CCSER1: variants seen among roughly 807,000 people sequenced by gnomAD.
The protein encoded by CCSER1 is serine-rich coiled-coil domain-containing protein 1.
A neutral mutation model predicts 82.0 loss-of-function variants in CCSER1; 41 were observed. The ratio of observed to expected loss-of-function variants is 0.50; its 90% CI spans 0.39 to 0.65. The LOEUF is 0.65. CCSER1 is among the 30% of genes least tolerant of loss of function. CCSER1 has a pLI of 0.00. For missense variants in CCSER1, 1,119 were observed against 1,064.2 expected (o/e 1.05, Z -0.72); for synonymous variants, 414 against 383.9 (o/e 1.08, Z -0.92).
chr4:91,276,741 G>T (rs1742491253), intron 10 of CCSER1, among the ~76,000 whole-genome samples: 1 of 152,052 alleles, frequency 6.6e-6, no homozygotes, highest in African/African-American at 2.4e-5. Flanking sequence ...TTAGAGAAAA[G>T]ATTTTCCAGT....
chr4:90,699,014 T>C (rs889374145), intron 6 of CCSER1, among the ~76,000 whole-genome samples: 3 of 151,844 alleles, frequency 2.0e-5, no homozygotes, highest in Non-Finnish European at 4.4e-5. Context: ...GGTGGGAGGA[T>C]CGCTTGAGCT....
At chr4:90,854,136 T>A (rs1434703064) in intron 8 of CCSER1, among the ~76,000 whole-genome samples, 2 of 152,138 alleles carry the variant, frequency 1.3e-5, no homozygotes, top group Non-Finnish European at 1.5e-5. Flanking sequence ...AAAATGAACA[T>A]GATATGGTCC....
chr4:90,685,436 T>C (rs1260739733), intron 6 of CCSER1, among the ~76,000 whole-genome samples: 1 of 152,134 alleles, frequency 6.6e-6, no homozygotes, highest in Non-Finnish European at 1.5e-5. Flanking sequence ...AAGGATGTAA[T>C]GGATATTATT....
intron 1 of CCSER1, among the ~76,000 whole-genome samples, chr4:90,290,707 T>C (rs982378604): frequency 5.3e-5 from 8 of 151,996 alleles, no homozygotes; most frequent in Non-Finnish European, 1.0e-4. Context: ...ATATTTTCTG[T>C]ATTTCCTGTG....
chr4:91,367,818 C>A (rs746324258), intron 10 of CCSER1, among the ~76,000 whole-genome samples: 2 of 152,132 alleles, frequency 1.3e-5, no homozygotes, highest in Non-Finnish European at 2.9e-5. Context: ...GGTGGAATAT[C>A]ACCTGGAATT....
At chr4:91,150,923 A>C (rs964402473) in intron 10 of CCSER1, among the ~76,000 whole-genome samples, 4 of 152,160 alleles carry the variant, frequency 2.6e-5, no homozygotes, top group African/African-American at 9.7e-5. Flanking sequence ...ATATTGGTCT[A>C]AAATTCTCTT....
At chr4:90,981,905 T>C (rs1288941135) in intron 9 of CCSER1, among the ~76,000 whole-genome samples, 4 of 151,828 alleles carry the variant, frequency 2.6e-5, no homozygotes, top group African/African-American at 9.7e-5. Context: ...CCAAAACTGA[T>C]GCATGAGAGT....
intron 7 of CCSER1, among the ~76,000 whole-genome samples, chr4:90,769,714 G>C (rs1197653256): frequency 1.3e-5 from 2 of 152,192 alleles, no homozygotes; most frequent in African/African-American, 2.4e-5. Flanking sequence ...AACTAGACCT[G>C]AAGTGTCTAC....
chr4:90,915,221 A>G (rs10111079), intron 8 of CCSER1, among the ~76,000 whole-genome samples: 1 of 152,172 alleles, frequency 6.6e-6, no homozygotes, highest in Admixed American at 6.5e-5. Context: ...GAAAAAGAGA[A>G]TATTAGACCA....
intron 10 of CCSER1, among the ~76,000 whole-genome samples, chr4:91,470,530 T>G (rs1297120889): frequency 6.6e-6 from 1 of 152,178 alleles, no homozygotes; most frequent in African/African-American, 2.4e-5. Context: ...TGTTCTTTTT[T>G]GCTGTTGTTG....
intron 8 of CCSER1, among the ~76,000 whole-genome samples, chr4:90,819,730 G>A (rs1281159596): frequency 1.3e-5 from 2 of 152,070 alleles, no homozygotes; most frequent in Non-Finnish European, 2.9e-5. Context: ...ACAATAAGCT[G>A]TTTGTACTCT....
intron 1 of CCSER1, among the ~76,000 whole-genome samples, chr4:90,307,717 T>A (rs1395302915): frequency 6.6e-6 from 1 of 152,062 alleles, no homozygotes; most frequent in Non-Finnish European, 1.5e-5. Context: ...GATTGTAGTG[T>A]CAGGCTATAC....
chr4:90,595,620 A>G (rs957104895), intron 5 of CCSER1, among the ~76,000 whole-genome samples: 1 of 151,930 alleles, frequency 6.6e-6, no homozygotes, highest in Non-Finnish European at 1.5e-5. Flanking sequence ...ACGTGGTGAA[A>G]TTATTAGATC....
At chr4:90,135,585 G>A (rs1000649137) in intron 1 of CCSER1, among the ~76,000 whole-genome samples, 3 of 152,184 alleles carry the variant, frequency 2.0e-5, no homozygotes, top group African/African-American at 7.2e-5. Context: ...CCTTGCTCCT[G>A]CATAGTTAGA....
chr4:91,108,410 G>T (rs1050747317), intron 10 of CCSER1, among the ~76,000 whole-genome samples: 1 of 152,080 alleles, frequency 6.6e-6, no homozygotes, highest in African/African-American at 2.4e-5. Context: ...ATTCGAATTT[G>T]TATTTTTATT....
intron 1 of CCSER1, among the ~76,000 whole-genome samples, chr4:90,218,083 G>A (rs538690160): frequency 6.6e-6 from 1 of 152,226 alleles, no homozygotes; most frequent in South Asian, 2.1e-4. Context: ...TTACAGGCAT[G>A]GGTCCCCATA....
intron 10 of CCSER1, among the ~76,000 whole-genome samples, chr4:91,411,840 T>C (rs997923498): frequency 8.2e-6 from 1 of 122,576 alleles, no homozygotes; most frequent in African/African-American, 3.1e-5. Flanking sequence ...ATGACTAGTG[T>C]TATGTTGTTA....
At chr4:91,402,340 A>G (rs1440331162) in intron 10 of CCSER1, among the ~76,000 whole-genome samples, 1 of 152,144 alleles carries the variant, frequency 6.6e-6, no homozygotes, top group Non-Finnish European at 1.5e-5. Context: ...CCCATTCTGT[A>G]GGTTGCCTAT....
rs79037267 is a variant in CCSER1, at chr4:91,036,206, T to C, written c.2173-49744T>C. Among the ~76,000 whole-genome samples, 1,404 of 152,276 alleles carry C rather than the reference T, an allele frequency of 9.2e-3. 18 individuals carry two copies. Among genetic ancestry groups the C allele is most frequent in the African/African-American group, 0.033 (1,353 of 41,576 alleles). ...GATCCAACTGCATAAGATACCAACC[T>C]TCCCTCATTGAAAAACATTGTTCAT... On this transcript the variant is annotated intron_variant, in intron 9 of 10. Coordinates refer to ENST00000509176, the MANE Select transcript of CCSER1 (RefSeq NM_001145065.2).
Sources: allele counts gnomAD v4.1 joint callset (sites outside exome capture counted in the v4.1 genomes callset), GRCh38; gene constraint gnomAD v4.1.1; transcripts MANE v1.5; gene names NCBI Gene and HGNC (gene_info 2026-07-23, HGNC 2026-07-21).